The following CCNY variants were observed in gnomAD, a reference collection of about 807,000 sequenced individuals.
CCNY encodes cyclin Y, also known as cyclin-Y.
CCNY carries 19 observed loss-of-function variants against 42.8 expected under a neutral mutation model. That is an observed-to-expected ratio of 0.44 (90% confidence interval 0.31 to 0.65). The LOEUF is 0.65. Ranked by LOEUF, CCNY falls within the 30% of genes least tolerant of loss-of-function variation. The pLI is 0.07. For synonymous variants in CCNY, 165 were observed against 162.7 expected (o/e 1.01, Z -0.11); for missense variants, 370 against 437.3 (o/e 0.85, Z 1.37).
chr10:35,335,724 A>AC (rs1031644661), upstream of CCNY, among the ~76,000 whole-genome samples: 9 of 150,130 alleles, frequency 6.0e-5, no homozygotes, highest in South Asian at 1.9e-3. Flanking sequence ...CACATTCACC[A>AC]CCTTAGCCTG....
At chr10:35,538,599 C>A (rs1294587859) in intron 7 of CCNY, among the ~76,000 whole-genome samples, 3 of 152,118 alleles carry the variant, frequency 2.0e-5, no homozygotes, top group African/African-American at 7.2e-5. Context: ...TGTTTATTGA[C>A]CACGTTTTCT....
At chr10:35,361,193 T>A (rs552850271) in intron 1 of CCNY, among the ~76,000 whole-genome samples, 1 of 152,346 alleles carries the variant, frequency 6.6e-6, no homozygotes, top group Admixed American at 6.5e-5. Context: ...TTATTTATTG[T>A]TTCATTTTCT....
chr10:35,419,923 ATTTTTT>A (rs1218102375), intron 1 of CCNY, among the ~76,000 whole-genome samples: 1 of 135,590 alleles, frequency 7.4e-6, no homozygotes, highest in Non-Finnish European at 1.6e-5. Context: ...TATGGCTGTA[ATTTTTT>A]TTTTTTTTTT....
intron 1 of CCNY, among the ~76,000 whole-genome samples, chr10:35,340,676 G>T (rs1012952209): frequency 6.6e-6 from 1 of 151,916 alleles, no homozygotes; most frequent in Admixed American, 6.6e-5. Flanking sequence ...GGCTAATTTT[G>T]TATTTTTAGT....
intron 3 of CCNY, among the ~76,000 whole-genome samples, chr10:35,290,198 C>A (rs1005800251): frequency 1.4e-5 from 2 of 146,948 alleles, no homozygotes; most frequent in African/African-American, 2.5e-5. Context: ...TGCACTCCAG[C>A]CTGGGCAACA....
intron 7 of CCNY, among the ~76,000 whole-genome samples, chr10:35,551,507 A>G (rs944185022): frequency 6.6e-6 from 1 of 152,292 alleles, no homozygotes; most frequent in East Asian, 1.9e-4. Flanking sequence ...TAAAAATAGC[A>G]TGGATGGTGT....
At chr10:35,387,182 TA>T (rs1314317252) in intron 1 of CCNY, among the ~76,000 whole-genome samples, 2 of 152,242 alleles carry the variant, frequency 1.3e-5, no homozygotes, top group Non-Finnish European at 2.9e-5. Context: ...CCTCTTTGAT[TA>T]ACTTATGAAC....
intron 1 of CCNY, among the ~76,000 whole-genome samples, chr10:35,380,286 T>C (rs373676034): frequency 6.6e-6 from 1 of 152,360 alleles, no homozygotes; most frequent in African/African-American, 2.4e-5. Context: ...ACATTGATTA[T>C]GCAGTGATTA....
chr10:35,250,193 C>CAA (rs71523370), intron 2 of CCNY, among the ~76,000 whole-genome samples: 16,262 of 77,508 alleles, frequency 0.21, 1,574 homozygotes, highest in East Asian at 0.27. Flanking sequence ...GACTCCATCT[C>CAA]AAAAAAAAAA....
At chr10:35,395,748 G>A (rs569694601) in intron 1 of CCNY, among the ~76,000 whole-genome samples, 5 of 152,178 alleles carry the variant, frequency 3.3e-5, no homozygotes, top group South Asian at 4.1e-4. Context: ...CGCTGTCAGC[G>A]CCTGGTTGTG....
chr10:35,470,307 A>T (rs1440896166), intron 1 of CCNY, among the ~76,000 whole-genome samples: 2 of 152,226 alleles, frequency 1.3e-5, no homozygotes, highest in East Asian at 3.9e-4. Context: ...AAGGAGAGGC[A>T]AACGGGGAGA....
In CCNY at chr10:35,305,408, G is replaced by A. The variant is rs1313155295; in HGVS notation, c.-9+54782G>A. ...ATCAGCTTCAAGACAGGCTTGAGGTGACAAGAACATGAAATATATATTACA... is the reference window on the plus strand; with the variant it reads ...ATCAGCTTCAAGACAGGCTTGAGGTAACAAGAACATGAAATATATATTACA... On this transcript the variant is annotated intron_variant, in intron 3 of 11. Transcript: ENST00000374706. Among the ~76,000 whole-genome samples, 3 of 152,306 alleles carry A rather than the reference G, an allele frequency of 2.0e-5. No individual in the cohort carries two copies. In the East Asian group the frequency reaches 5.8e-4, roughly 29 times the overall value.
chr10:35,332,227 A>G (rs1184222775), upstream of CCNY: 1 of 152,180 alleles, frequency 6.6e-6, no homozygotes, highest in Non-Finnish European at 1.5e-5. Context: ...GTCATGAGAA[A>G]CTGACTACCA....
intron 7 of CCNY, among the ~76,000 whole-genome samples, chr10:35,551,905 G>A (rs1841266343): frequency 6.6e-6 from 1 of 152,156 alleles, no homozygotes. Flanking sequence ...TGGAGAAATT[G>A]GAATCCTTGT....
intron 3 of CCNY, among the ~76,000 whole-genome samples, chr10:35,271,076 T>C (rs1835162251): frequency 6.6e-6 from 1 of 152,134 alleles, no homozygotes; most frequent in Admixed American, 6.6e-5. Flanking sequence ...GCCTGACATG[T>C]AAGGGATTAG....
intron 1 of CCNY, among the ~76,000 whole-genome samples, chr10:35,435,131 GGA>G (rs1158530702): frequency 6.6e-6 from 1 of 152,184 alleles, no homozygotes. Flanking sequence ...AGATGACTGG[GGA>G]GAGTGTCTAT....
chr10:35,256,058 A>C lies in CCNY; in HGVS notation c.-9+5432A>C, dbSNP rs1226863598. On this transcript the variant is annotated intron_variant, in intron 3 of 11. Coordinates refer to the CCNY transcript ENST00000374706. Reference sequence around the variant, plus strand: ...CTATTTGCATGGAATATCTTTTTCCATTTTTTCACTTCCAACGGATTGTGT... The same window carrying C: ...CTATTTGCATGGAATATCTTTTTCCCTTTTTTCACTTCCAACGGATTGTGT... Among the ~76,000 whole-genome samples, 4 of 152,080 alleles carry C rather than the reference A, an allele frequency of 2.6e-5. No individual in the cohort carries two copies. In the East Asian group the frequency reaches 7.7e-4, roughly 29 times the overall value.
At chr10:35,324,666 G>A (rs2135098801) in intron 3 of CCNY, among the ~76,000 whole-genome samples, 1 of 152,318 alleles carries the variant, frequency 6.6e-6, no homozygotes, top group South Asian at 2.1e-4. Context: ...AGAGAGGCCT[G>A]ATGAGAAACT....
intron 2 of CCNY, among the ~76,000 whole-genome samples, chr10:35,487,871 G>A (rs1187018731): frequency 6.6e-6 from 1 of 152,188 alleles, no homozygotes; most frequent in Non-Finnish European, 1.5e-5. Flanking sequence ...GTTAGGTTGC[G>A]AGACCTGCCA....
Sources: gnomAD v4.1 joint callset for allele counts (sites outside exome capture counted in the v4.1 genomes callset) on GRCh38, gnomAD v4.1.1 for gene constraint, MANE v1.5 for transcripts, NCBI Gene and HGNC (gene_info 2026-07-23, HGNC 2026-07-21) for gene names.